BNC2: variants seen among roughly 807,000 people sequenced by gnomAD.
BNC2 encodes zinc finger protein basonuclin-2.
A neutral mutation model predicts 76.3 loss-of-function variants in BNC2; 20 were observed. That is an observed-to-expected ratio of 0.26 (90% CI 0.18 to 0.38). The LOEUF (loss-of-function observed/expected upper bound fraction) is 0.38, where lower values mean the gene tolerates loss of function less well. Ranked by LOEUF, BNC2 falls within the 10% of genes least tolerant of loss-of-function variation. The pLI is 1.00. For synonymous variants in BNC2, 582 were observed against 514.8 expected (o/e 1.13, Z -1.77); for missense variants, 1,382 against 1,399.8 (o/e 0.99, Z 0.20).
At chr9:16,826,885 T>A (rs529988900) in intron 1 of BNC2, among the ~76,000 whole-genome samples, 9 of 152,102 alleles carry the variant, frequency 5.9e-5, no homozygotes, top group Admixed American at 2.0e-4. Context: ...AAGAAAAAAA[T>A]TTTCTAAATG....
intron 1 of BNC2, among the ~76,000 whole-genome samples, chr9:16,831,473 A>C (rs111509258): frequency 6.6e-5 from 10 of 152,368 alleles, no homozygotes; most frequent in African/African-American, 2.4e-4. Flanking sequence ...CTTGCAGCTA[A>C]CTTTTATGAG....
intron 5 of BNC2, among the ~76,000 whole-genome samples, chr9:16,459,286 T>C (rs1357523848): frequency 6.6e-6 from 1 of 152,152 alleles, no homozygotes; most frequent in Non-Finnish European, 1.5e-5. Context: ...CACATGTAGC[T>C]AGAAAGGAAA....
At chr9:16,836,917 G>C (rs1818720781) in intron 1 of BNC2, among the ~76,000 whole-genome samples, 1 of 151,978 alleles carries the variant, frequency 6.6e-6, no homozygotes, top group African/African-American at 2.4e-5. Context: ...TATTAACAGT[G>C]ACAACTACAT....
chr9:16,731,967 T>A (rs1243509954), intron 2 of BNC2, among the ~76,000 whole-genome samples: 1 of 151,894 alleles, frequency 6.6e-6, no homozygotes, highest in African/African-American at 2.4e-5. Flanking sequence ...TTACAAAAAA[T>A]TTGCATTTCA....
intron 1 of BNC2, among the ~76,000 whole-genome samples, chr9:16,753,138 G>C (rs1010836660): frequency 1.9e-5 from 1 of 52,106 alleles, no homozygotes; most frequent in South Asian, 5.3e-4. Context: ...AAACACAGCA[G>C]TTTGAATAGT....
intron 1 of BNC2, among the ~76,000 whole-genome samples, chr9:16,795,437 TGG>T (rs1817621154): frequency 6.6e-6 from 1 of 151,382 alleles, no homozygotes; most frequent in South Asian, 2.1e-4. Flanking sequence ...CCGGAAACAT[TGG>T]GAGACTGAGC....
intron 1 of BNC2, among the ~76,000 whole-genome samples, chr9:16,776,615 G>A (rs1056211917): frequency 1.3e-5 from 2 of 152,016 alleles, no homozygotes; most frequent in African/African-American, 4.8e-5. Context: ...TTGTAAAGAC[G>A]TAATTTTAAT....
At chr9:16,548,368 A>G (rs548156434) in intron 5 of BNC2, among the ~76,000 whole-genome samples, 1 of 152,004 alleles carries the variant, frequency 6.6e-6, no homozygotes, top group East Asian at 1.9e-4. Flanking sequence ...CACAAGATAC[A>G]GACCTGAACT....
intron 5 of BNC2, among the ~76,000 whole-genome samples, chr9:16,544,021 T>G (rs1303253185): frequency 2.0e-5 from 3 of 152,222 alleles, no homozygotes; most frequent in Non-Finnish European, 4.4e-5. Flanking sequence ...AATCACATAT[T>G]GGTGACATAA....
intron 6 of BNC2, among the ~76,000 whole-genome samples, chr9:16,424,249 C>T (rs1363061146): frequency 6.8e-6 from 1 of 147,620 alleles, no homozygotes; most frequent in Non-Finnish European, 1.5e-5. Context: ...TTTAAGATAT[C>T]GGGGAGACAC....
chr9:16,816,843 G>A (rs1236011012), intron 1 of BNC2, among the ~76,000 whole-genome samples: 1 of 152,114 alleles, frequency 6.6e-6, no homozygotes, highest in African/African-American at 2.4e-5. Context: ...ATTCAATCTA[G>A]TAATAAAAAG....
intron 1 of BNC2, among the ~76,000 whole-genome samples, chr9:16,793,062 T>C (rs757344298): frequency 4.6e-5 from 7 of 152,168 alleles, no homozygotes; most frequent in Non-Finnish European, 1.0e-4. Flanking sequence ...AAAGTGAGTT[T>C]TCTTAACTAA....
intron 1 of BNC2, among the ~76,000 whole-genome samples, chr9:16,763,183 G>C (rs574044499): frequency 2.3e-3 from 356 of 152,308 alleles, no homozygotes; most frequent in African/African-American, 8.1e-3. Flanking sequence ...AAGGGCTCCA[G>C]AGAATGTCAG....
chr9:16,658,830 C>A (rs10962523), intron 3 of BNC2, among the ~76,000 whole-genome samples: 32,877 of 152,098 alleles, frequency 0.22, 3,826 homozygotes, highest in South Asian at 0.3. Flanking sequence ...ATGCCCACAC[C>A]CCCCACCCAA....
At chr9:16,614,315 T>C (rs1365397343) in intron 3 of BNC2, among the ~76,000 whole-genome samples, 1 of 151,956 alleles carries the variant, frequency 6.6e-6, no homozygotes, top group Non-Finnish European at 1.5e-5. Context: ...ATGGGGGTCT[T>C]ACTCATCACA....
chr9:16,833,983 T>G (rs950178238), intron 1 of BNC2, among the ~76,000 whole-genome samples: 1 of 152,116 alleles, frequency 6.6e-6, no homozygotes, highest in Non-Finnish European at 1.5e-5. Context: ...TTTGCAATAC[T>G]CAGCACCCTC....
intron 3 of BNC2, among the ~76,000 whole-genome samples, chr9:16,586,101 CT>C (rs1183273188): frequency 6.6e-6 from 1 of 151,856 alleles, no homozygotes; most frequent in East Asian, 1.9e-4. Flanking sequence ...CTGCTCTTTT[CT>C]TTATACCTGC....
intron 3 of BNC2, among the ~76,000 whole-genome samples, chr9:16,718,192 C>G (rs1483886617): frequency 6.6e-6 from 1 of 152,182 alleles, no homozygotes; most frequent in East Asian, 1.9e-4. Context: ...GGCTGACAGG[C>G]AGGCAGGGTT....
In BNC2 at chr9:16,863,239, T is replaced by A. The variant is rs111748205; in HGVS notation, c.3+7407A>T. 3.0e-3 allele frequency among the ~76,000 whole-genome samples: 464 copies of A among 152,198 alleles called. 3 individuals are homozygous for A. Among genetic ancestry groups the A allele is most frequent in the African/African-American group, 0.01 (427 of 41,544 alleles). Reference sequence around the variant, plus strand: ...CATCTCAATATATTCTACACAGTACTTCCGCCCGCTGGCCAAAAGGCTGGG... The same window carrying A: ...CATCTCAATATATTCTACACAGTACATCCGCCCGCTGGCCAAAAGGCTGGG... On this transcript the variant is annotated intron_variant, in intron 1 of 6. Transcript: ENST00000380672.
Sources: allele counts gnomAD v4.1 joint callset (sites outside exome capture counted in the v4.1 genomes callset), GRCh38; gene constraint gnomAD v4.1.1; transcripts MANE v1.5; gene names NCBI Gene and HGNC (gene_info 2026-07-23, HGNC 2026-07-21).